SYT12: variants seen among roughly 807,000 people sequenced by gnomAD.
SYT12 encodes synaptotagmin-12.
SYT12 carries 27 observed loss-of-function variants against 39.5 expected under a neutral mutation model. The observed-to-expected ratio is 0.68, with a 90% CI of 0.50 to 0.94. The LOEUF (loss-of-function observed/expected upper bound fraction) is 0.94. SYT12 is among the 40% of genes least tolerant of loss of function. SYT12 has a pLI of 0.00. For missense variants in SYT12, 536 were observed against 572.6 expected (o/e 0.94, Z 0.65); for synonymous variants, 233 against 239.7 (o/e 0.97, Z 0.26).
intron 4 of SYT12, among the ~76,000 whole-genome samples, chr11:67,043,337 G>C (rs1950549796): frequency 6.6e-6 from 1 of 152,242 alleles, no homozygotes; most frequent in South Asian, 2.1e-4. Context: ...GAAAGATGGA[G>C]ACCAGCTCGT....
rs931176299 is a variant in SYT12 at position 67,049,117 on chromosome 11, G to A, written c.*360G>A. 5 of 196,200 alleles carry A rather than the reference G, an allele frequency of 2.5e-5. No homozygotes were observed. Among genetic ancestry groups the A allele is most frequent in the African/African-American group, 9.1e-5 (4 of 43,718 alleles). 12.2% of individuals were successfully genotyped at this position (196,200 alleles called of 1,614,324 possible). A position where few individuals can be genotyped will look rare whatever the true frequency, so the allele number is the denominator to read the frequency against. ...AGCAGGGGTAACACGAAGAAGACCC[G>A]GCCCTTAGGGCATCAGGAAGACTAG... On this transcript the variant is annotated 3_prime_UTR_variant, in exon 8 of 8. Coordinates refer to ENST00000527043, the MANE Select transcript of SYT12 (RefSeq NM_177963.4).
rs575757781 is a variant in SYT12, at chr11:67,013,018, T to C, written c.-69+2024T>C. On this transcript the variant is annotated intron_variant, in intron 3 of 10. Transcript: ENST00000393946. ...GCCCGTCATTCCTGAGTTCCAGATC[T>C]CCAGGAGTGAGTCCCTGTCCTCACA... Among the ~76,000 whole-genome samples the C allele has an allele frequency of 2.6e-5, 4 of 152,228 alleles. No homozygotes were observed. The East Asian group carries it at 7.7e-4, about 29-fold the overall frequency.
chr11:67,029,873 CAA>C, intron 1 of SYT12: 1 of 450,130 alleles, frequency 2.2e-6, no homozygotes, highest in Non-Finnish European at 3.9e-6. Context: ...CAAAACAAAA[CAA>C]AATCTGAAAT....
intron 3 of SYT12, among the ~76,000 whole-genome samples, chr11:67,016,582 C>CA (rs1411288142): frequency 2.6e-5 from 4 of 151,910 alleles, no homozygotes; most frequent in African/African-American, 9.7e-5. Flanking sequence ...GTATATTATC[C>CA]AAAAAAAGAG....
upstream of SYT12, among the ~76,000 whole-genome samples, chr11:67,018,631 G>A (rs1950078352): frequency 6.6e-6 from 1 of 152,076 alleles, no homozygotes. Context: ...GACCATCCTG[G>A]CTAACATGGT....
chr11:67,009,217 G>A (rs1184909501), intron 1 of SYT12, among the ~76,000 whole-genome samples: 1 of 152,082 alleles, frequency 6.6e-6, no homozygotes, highest in East Asian at 1.9e-4. Context: ...TGTTGTCTAG[G>A]CTGGTCCTGA....
chr11:67,027,030 A>G (rs986550462), intron 1 of SYT12: 2 of 152,184 alleles, frequency 1.3e-5, no homozygotes, highest in Non-Finnish European at 2.9e-5. Flanking sequence ...GACTAAGAAA[A>G]TTACCCAAGG....
At chr11:67,026,347 A>G (rs887156600) in intron 1 of SYT12, among the ~76,000 whole-genome samples, 12 of 151,808 alleles carry the variant, frequency 7.9e-5, no homozygotes, top group African/African-American at 2.9e-4. Context: ...ATCTTGGCTC[A>G]CTGCAACCTC....
chr11:67,043,897 C>T, intron 5 of SYT12, 44 bp downstream of exon 5: 1 of 1,563,950 alleles, frequency 6.4e-7, no homozygotes, highest in South Asian at 1.1e-5. Context: ...AGCGTGCACA[C>T]ACATACACTT....
upstream of SYT12, among the ~76,000 whole-genome samples, chr11:67,018,518 C>A (rs959247840): frequency 1.3e-5 from 2 of 151,592 alleles, no homozygotes; most frequent in Admixed American, 1.3e-4. Context: ...GAGCAAGATT[C>A]TGTCTCTTAA....
chr11:67,025,305 G>T (rs942424092), intron 1 of SYT12, among the ~76,000 whole-genome samples: 1 of 152,238 alleles, frequency 6.6e-6, no homozygotes, highest in East Asian at 1.9e-4. Context: ...TGCTAGGTAG[G>T]TATGATCGAG....
chr11:67,039,722 G>A (rs1255612992), intron 3 of SYT12, 89 bp from the exon 4 acceptor site: 4 of 1,459,678 alleles, frequency 2.7e-6, no homozygotes, highest in Non-Finnish European at 3.7e-6. Context: ...ATTCGAGAAT[G>A]AACAGGCCTT....
At chr11:67,039,703 A>C in intron 3 of SYT12, 108 bp from the exon 4 acceptor site, 1 of 1,357,588 alleles carries the variant, frequency 7.4e-7, no homozygotes, top group Non-Finnish European at 9.9e-7. Flanking sequence ...GTGAAAGGGG[A>C]ACTTGGAGAT....
At chr11:67,032,469 G>A (rs1446411592) in intron 2 of SYT12, 1 of 152,284 alleles carries the variant, frequency 6.6e-6, no homozygotes, top group African/African-American at 2.4e-5. Flanking sequence ...TCCAAACGGA[G>A]TATGAAGCCC....
chr11:67,023,080 G>T (rs1950130079), upstream of SYT12, among the ~76,000 whole-genome samples: 1 of 152,232 alleles, frequency 6.6e-6, no homozygotes, highest in African/African-American at 2.4e-5. Context: ...AGGCGTGGGA[G>T]CGAGGGGTTG....
At position 67,025,258 on chromosome 11, in the gene SYT12, A is replaced by G. The variant is rs145533077; in HGVS notation, c.-24+1798A>G. Among the ~76,000 whole-genome samples the G allele has an allele frequency of 3.3e-3, 508 of 152,358 alleles. 2 individuals are homozygous for G. The highest frequency in any genetic ancestry group is 0.02 in the Middle Eastern group (6 of 294). On this transcript the variant is annotated intron_variant, in intron 1 of 7. Coordinates refer to ENST00000527043, the MANE Select transcript of SYT12 (RefSeq NM_177963.4). ...AGGCACAGTGCTAAGCACTTAGCACATGTTATGTCCACATGCATGTAGCAG... is the reference window on the plus strand; with the variant it reads ...AGGCACAGTGCTAAGCACTTAGCACGTGTTATGTCCACATGCATGTAGCAG...
chr11:67,033,825 C>T (rs1399436465), intron 2 of SYT12, among the ~76,000 whole-genome samples: 2 of 152,168 alleles, frequency 1.3e-5, no homozygotes, highest in Non-Finnish European at 2.9e-5. Flanking sequence ...AACCTTGGAA[C>T]GTGTATGGTC....
intron 2 of SYT12, among the ~76,000 whole-genome samples, chr11:67,033,693 G>A (rs1194285608): frequency 2.0e-5 from 3 of 152,180 alleles, no homozygotes; most frequent in East Asian, 3.8e-4. Flanking sequence ...TGAGACAGAC[G>A]CAGTACTAAG....
chr11:67,036,864 G>A (rs1050866346), intron 3 of SYT12, among the ~76,000 whole-genome samples: 4 of 152,048 alleles, frequency 2.6e-5, no homozygotes, highest in Non-Finnish European at 2.9e-5. Flanking sequence ...ACCTGAGGTC[G>A]TGAGTTTGAG....
Sources: gnomAD v4.1 joint callset for allele counts (sites outside exome capture counted in the v4.1 genomes callset) on GRCh38, gnomAD v4.1.1 for gene constraint, MANE v1.5 for transcripts, NCBI Gene and HGNC (gene_info 2026-07-23, HGNC 2026-07-21) for gene names.